Variants in DGKB observed in about 807,000 individuals in gnomAD.
DGKB encodes 90 kDa diacylglycerol kinase.
DGKB carries 67 observed loss-of-function variants against 114.3 expected under a neutral mutation model. The observed-to-expected ratio is 0.59, with a 90% CI of 0.48 to 0.72. DGKB has a LOEUF of 0.72. Ranked by LOEUF, DGKB falls within the 30% of genes least tolerant of loss-of-function variation. The probability of loss-of-function intolerance (pLI) is 0.00; values close to 1 mark genes in which losing one functional copy is unlikely to be tolerated. For synonymous variants in DGKB, 398 were observed against 323.1 expected, an observed-to-expected ratio of 1.23 and a Z score of -2.49; for missense variants, 907 against 975.2, an observed-to-expected ratio of 0.93 and a Z score of 0.93.
At chr7:14,213,991 CCT>C (rs1428284599) in intron 23 of DGKB, among the ~76,000 whole-genome samples, 2 of 152,014 alleles carry the variant, frequency 1.3e-5, no homozygotes, top group African/African-American at 4.8e-5. Context: ...TTTCCTTCTT[CCT>C]CTTTTTCTCT....
At position 14,338,385 on chromosome 7, in the gene DGKB, C is replaced by A. The variant is rs1811054258; in HGVS notation, c.2122+130G>T. 3 of 497,100 alleles carry A rather than the reference C, an allele frequency of 6.0e-6. No individual in the cohort carries two copies. In the East Asian group the frequency reaches 9.9e-5, roughly 16 times the overall value. 30.8% of individuals were successfully genotyped at this position (497,100 alleles called of 1,614,324 possible). ...TATAAGTTAATCACACATGGGTATC[C>A]CATAATATGAAAAATACAACTGTAA... On this transcript the variant is annotated intron_variant, in intron 23 of 25. Transcript: ENST00000402815.
intron 20 of DGKB, among the ~76,000 whole-genome samples, chr7:14,542,574 T>C (rs1454952502): frequency 6.6e-6 from 1 of 152,194 alleles, no homozygotes. Context: ...CTGCTTTGCC[T>C]GGTCACCTGA....
At chr7:14,884,203 C>T (rs1264587642) in intron 1 of DGKB, among the ~76,000 whole-genome samples, 1 of 151,952 alleles carries the variant, frequency 6.6e-6, no homozygotes, top group East Asian at 1.9e-4. Flanking sequence ...TCCAATAAAA[C>T]TTTATTTACA....
intron 21 of DGKB, among the ~76,000 whole-genome samples, chr7:14,404,074 T>C (rs572958874): frequency 5.3e-5 from 8 of 151,774 alleles, no homozygotes; most frequent in African/African-American, 1.9e-4. Flanking sequence ...AGTGGGTCAC[T>C]TTCAGGCCAA....
At chr7:14,733,154 TA>T (rs537441291) in intron 5 of DGKB, among the ~76,000 whole-genome samples, 164 of 152,288 alleles carry the variant, frequency 1.1e-3, no homozygotes, top group Non-Finnish European at 1.9e-3. Flanking sequence ...TACTACACAT[TA>T]AGAATAGATC....
chr7:14,682,016 C>T (rs776537986), intron 12 of DGKB, among the ~76,000 whole-genome samples: 12 of 151,188 alleles, frequency 7.9e-5, no homozygotes, highest in Non-Finnish European at 1.6e-4. Context: ...GTCTACTTGC[C>T]CTTCTATCTA....
intron 2 of DGKB, among the ~76,000 whole-genome samples, chr7:14,839,589 A>T (rs1847641010): frequency 6.6e-6 from 1 of 151,126 alleles, no homozygotes; most frequent in Non-Finnish European, 1.5e-5. Context: ...TTCCATAGAG[A>T]CAGGGTCTCA....
chr7:14,863,902 C>G (rs1217129697), intron 1 of DGKB, among the ~76,000 whole-genome samples: 2 of 151,902 alleles, frequency 1.3e-5, no homozygotes, highest in Non-Finnish European at 2.9e-5. Context: ...GAGTTCGAGA[C>G]CAGCCTGACC....
At chr7:14,184,477 G>A (rs1316051863) in intron 23 of DGKB, among the ~76,000 whole-genome samples, 1 of 152,116 alleles carries the variant, frequency 6.6e-6, no homozygotes, top group African/African-American at 2.4e-5. Flanking sequence ...GTTTGCATGG[G>A]AGCTGTGTGA....
intron 2 of DGKB, among the ~76,000 whole-genome samples, chr7:14,824,806 A>C (rs938204983): frequency 2.6e-5 from 4 of 151,570 alleles, no homozygotes; most frequent in Non-Finnish European, 4.4e-5. Flanking sequence ...TGTCATTTAG[A>C]GGTCTATTTT....
At chr7:14,775,586 T>A (rs1838041927) in intron 2 of DGKB, among the ~76,000 whole-genome samples, 1 of 151,904 alleles carries the variant, frequency 6.6e-6, no homozygotes, top group Non-Finnish European at 1.5e-5. Context: ...CATGCTGTTT[T>A]TGTGATAGTG....
chr7:14,718,770 A>C (rs1828658493), intron 5 of DGKB, 85 bp from the exon 6 acceptor site: 1 of 984,190 alleles, frequency 1.0e-6, no homozygotes, highest in Admixed American at 2.8e-5. Flanking sequence ...GAGAACACAC[A>C]GGCTACATAG....
At position 14,463,548 on chromosome 7, in the gene DGKB, T is replaced by C. The variant is rs6946513; in HGVS notation, c.1835+14613A>G. Among the ~76,000 whole-genome samples the C allele has an allele frequency of 9.4e-3, 1,437 of 152,286 alleles. 24 individuals are homozygous for C. Among genetic ancestry groups the C allele is most frequent in the African/African-American group, 0.033 (1,376 of 41,574 alleles). ...CCACTGCACTCATCTTACAGTATTA[T>C]ATATGTGTTTGCATGTATCTTTTCC... On this transcript the variant is annotated intron_variant, in intron 21 of 25. Transcript: ENST00000402815.
intron 20 of DGKB, among the ~76,000 whole-genome samples, chr7:14,539,669 G>A (rs1793096219): frequency 6.6e-6 from 1 of 152,052 alleles, no homozygotes; most frequent in African/African-American, 2.4e-5. Flanking sequence ...GTAATGAAAA[G>A]CACAGTCCTA....
intron 23 of DGKB, among the ~76,000 whole-genome samples, chr7:14,295,409 G>T (rs1458959053): frequency 6.6e-6 from 1 of 152,036 alleles, no homozygotes; most frequent in Non-Finnish European, 1.5e-5. Flanking sequence ...TCTTAAAGGA[G>T]CTTCGGGGGC....
intron 1 of DGKB, among the ~76,000 whole-genome samples, chr7:14,973,933 TTAAAA>T (rs1405188606): frequency 6.7e-6 from 1 of 149,310 alleles, no homozygotes; most frequent in African/African-American, 2.4e-5. Flanking sequence ...TTAAAATTAT[TTAAAA>T]TAAAATTAAA....
At chr7:14,632,825 T>A (rs1809997110) in intron 13 of DGKB, among the ~76,000 whole-genome samples, 1 of 151,830 alleles carries the variant, frequency 6.6e-6, no homozygotes, top group African/African-American at 2.4e-5. Flanking sequence ...AAAACAAGGC[T>A]TTTTAGAAAA....
chr7:14,822,227 A>G (rs909200653), intron 2 of DGKB, among the ~76,000 whole-genome samples: 1 of 152,174 alleles, frequency 6.6e-6, no homozygotes, highest in Non-Finnish European at 1.5e-5. Flanking sequence ...GGTTTGGGTT[A>G]GAAATATACA....
chr7:14,557,731 A>T (rs572335579), intron 20 of DGKB, among the ~76,000 whole-genome samples: 1 of 152,088 alleles, frequency 6.6e-6, no homozygotes, highest in South Asian at 2.1e-4. Flanking sequence ...ACCTAAAAAA[A>T]AATTTAAATG....
Sources: gnomAD v4.1 joint callset for allele counts (sites outside exome capture counted in the v4.1 genomes callset) on GRCh38, gnomAD v4.1.1 for gene constraint, MANE v1.5 for transcripts, NCBI Gene and HGNC (gene_info 2026-07-23, HGNC 2026-07-21) for gene names.